The following SLC18A2 variants were observed in gnomAD, a reference collection of about 807,000 sequenced individuals.
SLC18A2 encodes synaptic vesicular amine transporter.
In SLC18A2, 33 loss-of-function variants were observed where a neutral mutation model predicts 59.2. That is an observed-to-expected ratio of 0.56 (90% CI 0.42 to 0.75). The LOEUF (loss-of-function observed/expected upper bound fraction) is 0.75. Among genes scored for constraint, SLC18A2 ranks in the 30% least tolerant of loss-of-function variants. The probability of loss-of-function intolerance (pLI) is 0.00; values close to 1 mark genes in which losing one functional copy is unlikely to be tolerated. For synonymous variants in SLC18A2, 228 were observed against 253.5 expected, an observed-to-expected ratio of 0.90 and a Z score of 0.95; for missense variants, 569 against 668.6, an observed-to-expected ratio of 0.85 and a Z score of 1.64.
intron 10 of SLC18A2, among the ~76,000 whole-genome samples, chr10:117,266,035 A>G (rs1844343990): frequency 6.8e-6 from 1 of 146,798 alleles, no homozygotes; most frequent in Non-Finnish European, 1.5e-5. Context: ...GGTTGCAGTG[A>G]GCCAAGATCG....
chr10:117,251,347 G>A (rs571586877), intron 3 of SLC18A2, among the ~76,000 whole-genome samples: 4 of 152,112 alleles, frequency 2.6e-5, no homozygotes, highest in Admixed American at 6.5e-5. Context: ...CTGCAGTGCC[G>A]TGTGAGCCCC....
intron 9 of SLC18A2, among the ~76,000 whole-genome samples, chr10:117,256,449 C>T (rs1334906447): frequency 6.6e-6 from 1 of 152,170 alleles, no homozygotes; most frequent in Non-Finnish European, 1.5e-5. Flanking sequence ...TCTGGGGCAG[C>T]CTGCACTGTA....
chr10:117,254,397 C>T lies in SLC18A2; in HGVS notation c.608-8C>T. The stretch of plus-strand genomic sequence containing the variant: ...GCTGGCCTGTTGACTATTTCTTTCC[C>T]TGTGTAGGGATGGGCATGCTTGCCA... On this transcript the variant is annotated splice_region_variant and splice_polypyrimidine_tract_variant and intron_variant, in intron 5 of 15. Transcript: ENST00000644641. 1 of 1,567,302 alleles carries T rather than the reference C, an allele frequency of 6.4e-7. No individual in the cohort carries two copies. The highest frequency in any genetic ancestry group is 1.2e-5 in the South Asian group (1 of 84,920).
chr10:117,263,009 C>G (rs1565006729), intron 10 of SLC18A2, among the ~76,000 whole-genome samples: 1 of 152,218 alleles, frequency 6.6e-6, no homozygotes, highest in Non-Finnish European at 1.5e-5. Flanking sequence ...CTGCCTGGAT[C>G]TCATCAGATT....
At chr10:117,254,779 G>T (rs1844208622) in intron 6 of SLC18A2, among the ~76,000 whole-genome samples, 1 of 152,154 alleles carries the variant, frequency 6.6e-6, no homozygotes, top group Non-Finnish European at 1.5e-5. Context: ...CCCTTTCCTC[G>T]GGAACATTCA....
intron 3 of SLC18A2, among the ~76,000 whole-genome samples, chr10:117,247,574 G>A (rs1844121508): frequency 6.6e-6 from 1 of 152,150 alleles, no homozygotes; most frequent in Non-Finnish European, 1.5e-5. Flanking sequence ...ACTGACTTGG[G>A]CTCTTCCTGG....
chr10:117,276,630 A>AAAAAAAAAAAG (rs1445853665), intron 15 of SLC18A2, among the ~76,000 whole-genome samples: 25 of 22,284 alleles, frequency 1.1e-3, no homozygotes, highest in African/African-American at 2.6e-3. Context: ...AAAAAAAAAA[A>AAAAAAAAAAAG]AAAGAAAGAA....
At chr10:117,267,113 A>G in intron 12 of SLC18A2, 78 bp downstream of exon 12, 2 of 1,074,392 alleles carry the variant, frequency 1.9e-6, no homozygotes, top group Non-Finnish European at 2.8e-6. Flanking sequence ...TCACCAAGAA[A>G]CATTTTACGT....
At chr10:117,256,143 C>T (rs76978184) in intron 9 of SLC18A2, among the ~76,000 whole-genome samples, 8 of 152,204 alleles carry the variant, frequency 5.3e-5, no homozygotes, top group Non-Finnish European at 7.4e-5. Flanking sequence ...GCATCCCTGC[C>T]GAGCAGCAGG....
At chr10:117,275,290 CAT>C (rs573572010) in intron 15 of SLC18A2, among the ~76,000 whole-genome samples, 63 of 142,606 alleles carry the variant, frequency 4.4e-4, no homozygotes, top group African/African-American at 1.3e-3. Context: ...CTTATCTTCA[CAT>C]GTTACACAGA....
At chr10:117,253,015 G>A (rs766132575) in intron 3 of SLC18A2, among the ~76,000 whole-genome samples, 7 of 152,224 alleles carry the variant, frequency 4.6e-5, no homozygotes, top group Non-Finnish European at 7.3e-5. Flanking sequence ...GGAATCACTT[G>A]ATGGCCTTTT....
intron 3 of SLC18A2, among the ~76,000 whole-genome samples, chr10:117,245,004 G>A (rs1428656185): frequency 2.0e-5 from 3 of 152,214 alleles, no homozygotes; most frequent in Non-Finnish European, 4.4e-5. Flanking sequence ...CACATTGTTT[G>A]GAATAACTGT....
intron 15 of SLC18A2, among the ~76,000 whole-genome samples, chr10:117,276,613 C>CAAAAAAAAAAAAAAAAAAAAAAAAAAA (rs1161850365): frequency 2.1e-5 from 1 of 46,732 alleles, no homozygotes. Context: ...GACTTCATCT[C>CAAAAAAAAAAAAAAAAAAAAAAAAAAA]AAAAAAAAAA....
intron 1 of SLC18A2, 57 bp from the exon 2 acceptor site, chr10:117,241,622 C>A: frequency 6.8e-7 from 1 of 1,474,532 alleles, no homozygotes; most frequent in Non-Finnish European, 8.9e-7. Flanking sequence ...GCCTGGGGGA[C>A]GGGAGAATGG....
chr10:117,247,580 C>T (rs559439662), intron 3 of SLC18A2, among the ~76,000 whole-genome samples: 1 of 152,328 alleles, frequency 6.6e-6, no homozygotes, highest in Admixed American at 6.5e-5. Flanking sequence ...TTGGGCTCTT[C>T]CTGGTTGTAC....
intron 1 of SLC18A2, 96 bp from the exon 2 acceptor site, chr10:117,241,583 C>A (rs1398303618): frequency 4.6e-6 from 6 of 1,292,738 alleles, no homozygotes; most frequent in Non-Finnish European, 6.0e-6. Flanking sequence ...GATGCCGGTG[C>A]GCGCGGCTCC....
chr10:117,261,170 A>C (rs1253196653), intron 10 of SLC18A2, among the ~76,000 whole-genome samples: 3 of 150,690 alleles, frequency 2.0e-5, no homozygotes, highest in African/African-American at 4.9e-5. Context: ...CCAGGAGTTC[A>C]AGACCAGCGA....
Position 117,255,497 on chromosome 10 carries a change from T to G in SLC18A2, c.809T>G (p.Leu270Arg). 6.2e-7 allele frequency: 1 copy of G among 1,614,096 alleles called. No individual in the cohort carries two copies. The part of the protein sequence containing the change: ...LLDGAIQLFV[L>R]QPSRVQPESQ... ...TTTTTAGCTATTCAGCTCTTTGTGC[T>G]CCAGCCGTCCCGGGTGCAGCCAGAG... The change falls in exon 8 of 16, where the codon CTC becomes CGC. Residue 270 changes from leucine to arginine, a missense_variant. Physicochemically the swap from Leu to Arg is moderately radical, Grantham distance 102 (BLOSUM62 -2). This residue lies in a region of SLC18A2 where 377 missense variants were observed against 389.8 expected (regional missense o/e 0.97). Coordinates refer to ENST00000644641, the MANE Select transcript of SLC18A2 (RefSeq NM_003054.6).
chr10:117,247,877 C>T (rs1844124628), intron 3 of SLC18A2, among the ~76,000 whole-genome samples: 1 of 152,202 alleles, frequency 6.6e-6, no homozygotes, highest in South Asian at 2.1e-4. Flanking sequence ...TTCTACACCA[C>T]ACCACACCAT....
Sources: allele counts gnomAD v4.1 joint callset (sites outside exome capture counted in the v4.1 genomes callset), GRCh38; gene constraint gnomAD v4.1.1; regional missense constraint gnomAD v4.1.1; transcripts MANE v1.5; gene names NCBI Gene and HGNC (gene_info 2026-07-23, HGNC 2026-07-21).